GYS2: variants seen among roughly 807,000 people sequenced by gnomAD.
GYS2 encodes the protein glycogen [starch] synthase, liver.
A neutral mutation model predicts 85.6 loss-of-function variants in GYS2; 80 were observed. The observed-to-expected ratio is 0.93, with a 90% CI of 0.78 to 1.13. The LOEUF is 1.13. Among genes scored for constraint, GYS2 ranks in the 50% most tolerant of loss-of-function variants. The pLI is 0.00. For missense variants in GYS2, 881 were observed against 854.9 expected (o/e 1.03, Z -0.38); for synonymous variants, 328 against 300.7 (o/e 1.09, Z -0.94).
At chr12:21,576,144 T>C (rs761817271) in intron 2 of GYS2, 87 bp from the exon 3 acceptor site, 7 of 1,043,722 alleles carry the variant, frequency 6.7e-6, no homozygotes, top group South Asian at 1.3e-5. Flanking sequence ...ATAAACTTTA[T>C]GTAGTACTCA....
intron 12 of GYS2, among the ~76,000 whole-genome samples, chr12:21,543,502 T>A (rs1944003172): frequency 6.6e-6 from 1 of 152,156 alleles, no homozygotes; most frequent in African/African-American, 2.4e-5. Flanking sequence ...TTTACACACT[T>A]TTATTTCCTC....
chr12:21,533,904 T>A (rs552215673), downstream of GYS2, among the ~76,000 whole-genome samples: 4 of 152,246 alleles, frequency 2.6e-5, no homozygotes, highest in East Asian at 7.7e-4. Context: ...GAAGGCCCAT[T>A]TCTCATAGAT....
intron 12 of GYS2, among the ~76,000 whole-genome samples, chr12:21,544,254 A>G (rs1944012166): frequency 1.3e-5 from 2 of 152,192 alleles, no homozygotes; most frequent in South Asian, 2.1e-4. Flanking sequence ...TGGTTAATGT[A>G]AAACACAGCA....
rs1051057918 is a variant in GYS2 at position 21,558,222 on chromosome 12, T to C, written c.1400A>G (p.Asn467Ser). The stretch of plus-strand genomic sequence containing the variant: ...TACCTTGACTCTATCTGTGCGGTTG[T>C]TGAAAAGTCCAATCCGTCTAATGGT... Reference protein sequence around the residue: ...LSTIRRIGLFNNRTDRVKVIL... With the variant: ...LSTIRRIGLFSNRTDRVKVIL... Residue 467 changes from asparagine to serine, a missense_variant, in exon 11 of 16, where the codon AAC becomes AGC. Coordinates refer to ENST00000261195, the MANE Select transcript of GYS2 (RefSeq NM_021957.4). 3.7e-6 allele frequency: 6 copies of C among 1,611,110 alleles called. No homozygotes were observed. Among genetic ancestry groups the C allele is most frequent in the Non-Finnish European group, 4.2e-6 (5 of 1,177,222 alleles).
intron 1 of GYS2, among the ~76,000 whole-genome samples, chr12:21,600,660 T>C (rs1306986137): frequency 6.6e-6 from 1 of 152,126 alleles, no homozygotes; most frequent in African/African-American, 2.4e-5. Context: ...AGGAAGCTGA[T>C]GGAAGTGTGA....
intron 15 of GYS2, among the ~76,000 whole-genome samples, chr12:21,538,727 G>T (rs1379670122): frequency 6.6e-6 from 1 of 152,182 alleles, no homozygotes; most frequent in Non-Finnish European, 1.5e-5. Context: ...GGCACCTCAT[G>T]TCTTCTCCCT....
At chr12:21,604,282 A>G (rs1944782960) in intron 1 of GYS2, among the ~76,000 whole-genome samples, 190 bp downstream of exon 1, 1 of 152,118 alleles carries the variant, frequency 6.6e-6, no homozygotes, top group Non-Finnish European at 1.5e-5. Context: ...TTCAACACAT[A>G]CACAAGTCTG....
At chr12:21,568,151 A>G (rs1944344660) in intron 5 of GYS2, among the ~76,000 whole-genome samples, 1 of 152,148 alleles carries the variant, frequency 6.6e-6, no homozygotes, top group East Asian at 1.9e-4. Context: ...TGCTTCTTAT[A>G]ACAATTCAGT....
At chr12:21,559,761 C>A (rs373379789) in intron 8 of GYS2, 51 bp from the exon 9 acceptor site, 1 of 1,108,516 alleles carries the variant, frequency 9.0e-7, no homozygotes, top group East Asian at 2.4e-5. Flanking sequence ...AATGTTTAAT[C>A]TTTATTTGTC....
At chr12:21,599,464 A>G (rs982118675) in intron 1 of GYS2, among the ~76,000 whole-genome samples, 1 of 152,212 alleles carries the variant, frequency 6.6e-6, no homozygotes, top group African/African-American at 2.4e-5. Flanking sequence ...GAACAAGACC[A>G]CCTGCACTAC....
intron 11 of GYS2, among the ~76,000 whole-genome samples, chr12:21,546,875 A>G (rs1251919261): frequency 6.6e-6 from 1 of 152,172 alleles, no homozygotes; most frequent in East Asian, 1.9e-4. Context: ...TGTGTAACAG[A>G]CCACTCTTAC....
chr12:21,563,192 G>T, intron 6 of GYS2, 36 bp downstream of exon 6: 2 of 1,312,414 alleles, frequency 1.5e-6, no homozygotes, highest in South Asian at 1.2e-5. Context: ...ACTCATATCT[G>T]ATACTTCTTT....
At chr12:21,540,656 G>A in intron 13 of GYS2, 83 bp from the exon 14 acceptor site, 2 of 1,269,138 alleles carry the variant, frequency 1.6e-6, no homozygotes, top group African/African-American at 1.5e-5. Context: ...TAACTCTTTG[G>A]TTCCATCAAA....
chr12:21,539,401 A>G, intron 14 of GYS2, 63 bp from the exon 15 acceptor site: 1 of 874,716 alleles, frequency 1.1e-6, no homozygotes, highest in Admixed American at 1.7e-5. Flanking sequence ...TAATCAAGTT[A>G]TTAAATAAGG....
At chr12:21,547,053 A>G (rs1476431701) in intron 11 of GYS2, among the ~76,000 whole-genome samples, 1 of 152,136 alleles carries the variant, frequency 6.6e-6, no homozygotes, top group African/African-American at 2.4e-5. Context: ...TTTCTGTCCC[A>G]CTGGGGTCTC....
chr12:21,573,825 C>T (rs1944413171), intron 4 of GYS2, among the ~76,000 whole-genome samples: 1 of 152,228 alleles, frequency 6.6e-6, no homozygotes, highest in South Asian at 2.1e-4. Context: ...CACAGCGCTT[C>T]CATAGCCTTA....
intron 1 of GYS2, among the ~76,000 whole-genome samples, chr12:21,585,493 T>C (rs1164544715): frequency 6.8e-6 from 1 of 148,068 alleles, no homozygotes; most frequent in African/African-American, 2.5e-5. Context: ...GGAATTAAGG[T>C]CAGTGGGAAA....
intron 11 of GYS2, among the ~76,000 whole-genome samples, chr12:21,555,962 T>TG (rs1944174226): frequency 6.6e-6 from 1 of 152,194 alleles, no homozygotes; most frequent in Non-Finnish European, 1.5e-5. Flanking sequence ...TTCCACAGCA[T>TG]GGAACATTTT....
intron 11 of GYS2, among the ~76,000 whole-genome samples, chr12:21,550,009 A>G (rs372142225): frequency 6.6e-6 from 1 of 152,106 alleles, no homozygotes; most frequent in Non-Finnish European, 1.5e-5. Context: ...CTAATTCCTT[A>G]CTATCTTTAT....
Sources: gnomAD v4.1 joint callset for allele counts (sites outside exome capture counted in the v4.1 genomes callset) on GRCh38, gnomAD v4.1.1 for gene constraint, MANE v1.5 for transcripts, NCBI Gene and HGNC (gene_info 2026-07-23, HGNC 2026-07-21) for gene names.